ZDHHC21: variants seen among roughly 807,000 people sequenced by gnomAD.
The protein encoded by ZDHHC21 is palmitoyltransferase ZDHHC21.
In ZDHHC21, 15 loss-of-function variants were observed where a neutral mutation model predicts 34.6. The observed-to-expected ratio is 0.43, with a 90% CI of 0.29 to 0.67. ZDHHC21 has a LOEUF of 0.67. Among genes scored for constraint, ZDHHC21 ranks in the 30% least tolerant of loss-of-function variants. The pLI, the probability that ZDHHC21 is intolerant of heterozygous loss-of-function variation, is 0.14. For missense variants in ZDHHC21, 344 were observed against 327.7 expected, an observed-to-expected ratio of 1.05 and a Z score of -0.38; for synonymous variants, 142 against 101.8, an observed-to-expected ratio of 1.40 and a Z score of -2.38.
At chr9:14,659,118 T>A (rs1413135876) in intron 6 of ZDHHC21, among the ~76,000 whole-genome samples, 1 of 152,090 alleles carries the variant, frequency 6.6e-6, no homozygotes, top group Non-Finnish European at 1.5e-5. Flanking sequence ...CCCCTTCAAC[T>A]CATAACAACT....
chr9:14,627,721 G>A (rs1335098582), intron 8 of ZDHHC21, among the ~76,000 whole-genome samples: 1 of 152,102 alleles, frequency 6.6e-6, no homozygotes, highest in Non-Finnish European at 1.5e-5. Context: ...ACCAGAATGC[G>A]CTGTACCAGC....
chr9:14,639,818 T>G, intron 8 of ZDHHC21, 78 bp downstream of exon 8: 1 of 820,382 alleles, frequency 1.2e-6, no homozygotes, highest in Middle Eastern at 3.9e-4. Context: ...TTTCTAAACT[T>G]CCTATAACTT....
At chr9:14,605,047 T>G in the ZDHHC21 span, among the ~76,000 whole-genome samples, 1 of 152,212 alleles carries the variant, frequency 6.6e-6, no homozygotes, top group Non-Finnish European at 1.5e-5. Context: ...TTCCTTCCTT[T>G]TCTATGGCTG....
intron 8 of ZDHHC21, chr9:14,622,391 A>C: frequency 2.1e-5 from 5 of 235,242 alleles, no homozygotes; most frequent in Non-Finnish European, 3.5e-5. Context: ...CCTAAGTAGT[A>C]AAATTATACC....
chr9:14,680,744 G>C (rs1837228562), intron 2 of ZDHHC21, among the ~76,000 whole-genome samples: 1 of 152,102 alleles, frequency 6.6e-6, no homozygotes, highest in South Asian at 2.1e-4. Flanking sequence ...CTTTAACACA[G>C]GGTATAGATG....
intron 8 of ZDHHC21, among the ~76,000 whole-genome samples, chr9:14,620,721 C>T (rs1825158809): frequency 6.6e-6 from 1 of 151,978 alleles, no homozygotes; most frequent in African/African-American, 2.4e-5. Flanking sequence ...ATTAAATTCT[C>T]ATTAAGAATA....
chr9:14,609,481 T>C (rs540036341), downstream of ZDHHC21, among the ~76,000 whole-genome samples: 1 of 152,238 alleles, frequency 6.6e-6, no homozygotes, highest in South Asian at 2.1e-4. Context: ...TGACAGTATG[T>C]GGTTGCCAAT....
At chr9:14,684,161 T>C (rs1419503776) in intron 2 of ZDHHC21, among the ~76,000 whole-genome samples, 1 of 151,074 alleles carries the variant, frequency 6.6e-6, no homozygotes, top group Admixed American at 6.6e-5. Context: ...ATGCCCTCTC[T>C]CACCACTCCT....
At chr9:14,591,669 T>C in the ZDHHC21 span, among the ~76,000 whole-genome samples, 2 of 152,262 alleles carry the variant, frequency 1.3e-5, no homozygotes, top group African/African-American at 4.8e-5. Flanking sequence ...AGACATAACA[T>C]CAGTCTTTAC....
intron 8 of ZDHHC21, among the ~76,000 whole-genome samples, chr9:14,636,652 A>G (rs1828360371): frequency 6.6e-6 from 1 of 152,222 alleles, no homozygotes; most frequent in South Asian, 2.1e-4. Context: ...ACCATAGGTT[A>G]GGACACAAAA....
chr9:14,688,390 A>C (rs1208488722), intron 2 of ZDHHC21, among the ~76,000 whole-genome samples: 1 of 150,882 alleles, frequency 6.6e-6, no homozygotes, highest in Non-Finnish European at 1.5e-5. Flanking sequence ...CTCCAGAATG[A>C]AACAACGTTT....
intron 7 of ZDHHC21, among the ~76,000 whole-genome samples, chr9:14,651,770 C>G (rs7869716): frequency 0.94 from 142,446 of 152,028 alleles, 66,791 homozygotes; most frequent in Non-Finnish European, 0.96. Context: ...AATAGAGTTT[C>G]ATAATATACC....
chr9:14,629,242 G>A (rs905249722), intron 8 of ZDHHC21, among the ~76,000 whole-genome samples: 1 of 152,152 alleles, frequency 6.6e-6, no homozygotes, highest in African/African-American at 2.4e-5. Context: ...AACTTTTGGA[G>A]GGAGCATTAT....
At chr9:14,669,298 A>G (rs1345773714) in intron 5 of ZDHHC21, among the ~76,000 whole-genome samples, 2 of 143,946 alleles carry the variant, frequency 1.4e-5, no homozygotes, top group South Asian at 2.2e-4. Flanking sequence ...CAAAACCACT[A>G]TGAGATACCA....
At chr9:14,608,825 G>A (rs768128474), downstream of ZDHHC21, among the ~76,000 whole-genome samples, 1 of 151,970 alleles carries the variant, frequency 6.6e-6, no homozygotes, top group Non-Finnish European at 1.5e-5. Flanking sequence ...GTATGCATTT[G>A]TTCATCTACA....
At chr9:14,596,293 T>C in the ZDHHC21 span, among the ~76,000 whole-genome samples, 3 of 152,184 alleles carry the variant, frequency 2.0e-5, no homozygotes, top group Non-Finnish European at 4.4e-5. Context: ...CCTTCAGTAG[T>C]GGTGGTAGCC....
At chr9:14,674,457 T>C in intron 3 of ZDHHC21, 72 bp from the exon 4 acceptor site, 1 of 899,708 alleles carries the variant, frequency 1.1e-6, no homozygotes, top group Non-Finnish European at 1.6e-6. Flanking sequence ...TTCTGGCAAC[T>C]TTTATAAAAT....
chr9:14,598,540 T>C, the ZDHHC21 span, among the ~76,000 whole-genome samples: 1 of 151,424 alleles, frequency 6.6e-6, no homozygotes, highest in South Asian at 2.1e-4. Context: ...ACAAGAAACA[T>C]GAAAAAGCAA....
chr9:14,648,614 A>G (rs1477398650), intron 7 of ZDHHC21, among the ~76,000 whole-genome samples: 1 of 152,090 alleles, frequency 6.6e-6, no homozygotes, highest in Admixed American at 6.6e-5. Flanking sequence ...ACCCTGCTTT[A>G]TTATACGTCA....
Sources: gnomAD v4.1 joint callset for allele counts (sites outside exome capture counted in the v4.1 genomes callset) on GRCh38, gnomAD v4.1.1 for gene constraint, MANE v1.5 for transcripts, NCBI Gene and HGNC (gene_info 2026-07-23, HGNC 2026-07-21) for gene names.